The following KCNIP1 variants were observed in gnomAD, a reference collection of about 807,000 sequenced individuals.
KCNIP1 encodes A-type potassium channel modulatory protein KCNIP1.
In KCNIP1, 18 loss-of-function variants were observed where a neutral mutation model predicts 33.0. The observed-to-expected ratio is 0.55, with a 90% confidence interval of 0.38 to 0.81. The LOEUF (loss-of-function observed/expected upper bound fraction) is 0.81, where lower values mean the gene tolerates loss of function less well. Among genes scored for constraint, KCNIP1 ranks in the 30% least tolerant of loss-of-function variants. KCNIP1 has a pLI of 0.00. For synonymous variants in KCNIP1, 93 were observed against 98.3 expected, an observed-to-expected ratio of 0.95 and a Z score of 0.32; for missense variants, 238 against 271.6, an observed-to-expected ratio of 0.88 and a Z score of 0.87.
Position 170,376,150 on chromosome 5 carries a change from C to CTTTTTTTTT in KCNIP1, c.88+22206_88+22214dup, listed in dbSNP as rs397885011. ...AGTTTCTGAGTATTCATGACTTATT[C>CTTTTTTTTT]TTTTTTTTTTTTTTTTTTTTTTTTT... On this transcript the variant is annotated intron_variant, in intron 1 of 7. Coordinates refer to the KCNIP1 transcript ENST00000377360. 4.2e-4 allele frequency: 30 copies of CTTTTTTTTT among 70,650 alleles called. 3 individuals carry two copies. Among genetic ancestry groups the CTTTTTTTTT allele is most frequent in the Non-Finnish European group, 7.3e-4 (26 of 35,588 alleles). 4.4% of individuals were successfully genotyped at this position (70,650 alleles called of 1,614,324 possible).
intron 1 of KCNIP1, among the ~76,000 whole-genome samples, chr5:170,506,597 C>A (rs927127915): frequency 6.6e-6 from 1 of 152,208 alleles, no homozygotes; most frequent in South Asian, 2.1e-4. Flanking sequence ...GTCTTTGCTT[C>A]TGTCTCCTCG....
At chr5:170,503,610 TC>T (rs897831882), upstream of KCNIP1, among the ~76,000 whole-genome samples, 2 of 151,434 alleles carry the variant, frequency 1.3e-5, no homozygotes, top group Non-Finnish European at 2.9e-5. Flanking sequence ...GGGCAGACTT[TC>T]CCCCTCCCCA....
At chr5:170,366,422 C>T (rs1421063274) in intron 1 of KCNIP1, among the ~76,000 whole-genome samples, 5 of 152,234 alleles carry the variant, frequency 3.3e-5, no homozygotes, top group Non-Finnish European at 7.3e-5. Flanking sequence ...CACAAAGCCC[C>T]ATGGACAAGC....
chr5:170,702,642 A>G (rs574946187), intron 1 of KCNIP1, among the ~76,000 whole-genome samples: 1 of 152,268 alleles, frequency 6.6e-6, no homozygotes, highest in South Asian at 2.1e-4. Flanking sequence ...ATAGAGACAC[A>G]ATTACAAAGA....
chr5:170,500,131 G>A (rs547805529), upstream of KCNIP1, among the ~76,000 whole-genome samples: 8 of 152,192 alleles, frequency 5.3e-5, no homozygotes, highest in Non-Finnish European at 8.8e-5. Context: ...CCTTTTCCCT[G>A]TGTGCTCACA....
At chr5:170,361,232 A>G (rs1165851032) in intron 1 of KCNIP1, among the ~76,000 whole-genome samples, 3 of 152,200 alleles carry the variant, frequency 2.0e-5, no homozygotes. Context: ...GGCAGGCAGC[A>G]GGGGAGAGGA....
At chr5:170,405,908 C>A (rs1430492915) in intron 1 of KCNIP1, among the ~76,000 whole-genome samples, 1 of 152,136 alleles carries the variant, frequency 6.6e-6, no homozygotes, top group Non-Finnish European at 1.5e-5. Flanking sequence ...CTCATGGAAA[C>A]CTTGTGTGAT....
intron 1 of KCNIP1, among the ~76,000 whole-genome samples, chr5:170,558,835 A>G (rs1434841126): frequency 6.6e-6 from 1 of 152,240 alleles, no homozygotes; most frequent in Non-Finnish European, 1.5e-5. Context: ...TAAACCCCAG[A>G]GTTGTTTAAA....
intron 1 of KCNIP1, among the ~76,000 whole-genome samples, chr5:170,661,637 G>A (rs1240666008): frequency 6.6e-6 from 1 of 152,124 alleles, no homozygotes; most frequent in Non-Finnish European, 1.5e-5. Context: ...GATAGCAAAG[G>A]AGCTGAGGCC....
At position 170,371,965 on chromosome 5, in the gene KCNIP1, C is replaced by A. The variant is rs548408979; in HGVS notation, c.88+18001C>A. On this transcript the variant is annotated intron_variant, in intron 1 of 7. Transcript: ENST00000377360. ...GTTTGGACACCAACTGGGTGTCCTA[C>A]AATTTAATTCAATTCTGACACTAAC... Among the ~76,000 whole-genome samples, 3 of 152,188 alleles carry A rather than the reference C, an allele frequency of 2.0e-5. No individual in the cohort carries two copies. In the South Asian group the frequency reaches 6.2e-4, roughly 32 times the overall value.
intron 1 of KCNIP1, among the ~76,000 whole-genome samples, chr5:170,478,581 G>A (rs1032637975): frequency 2.0e-5 from 3 of 152,082 alleles, no homozygotes; most frequent in South Asian, 2.1e-4. Flanking sequence ...AAGACTGTGC[G>A]ACTCCACCAT....
chr5:170,379,002 G>A (rs1324022666), intron 1 of KCNIP1: 4 of 1,603,680 alleles, frequency 2.5e-6, no homozygotes, highest in East Asian at 2.2e-5. Flanking sequence ...GCAGCTGTGG[G>A]CTTGGAAATC....
rs149601109 is a variant in KCNIP1, at chr5:170,607,638, C to T, written c.61+103005C>T. 6.0e-3 allele frequency among the ~76,000 whole-genome samples: 911 copies of T among 152,326 alleles called. 36 individuals are homozygous for T. The highest frequency in any genetic ancestry group is 0.055 in the Admixed American group (836 of 15,306). ...GCAAAGAAAATGCAGTGTCTTCTCA[C>T]GAAGGGTTCATCCCTGCCTCCTCAG... is the stretch of plus-strand genomic sequence containing the variant. On this transcript the variant is annotated intron_variant, in intron 1 of 7. Coordinates refer to ENST00000328939, the MANE Select transcript of KCNIP1 (RefSeq NM_014592.4).
At chr5:170,611,932 A>T (rs870109) in intron 1 of KCNIP1, among the ~76,000 whole-genome samples, 63,209 of 152,088 alleles carry the variant, frequency 0.42, 13,366 homozygotes, top group East Asian at 0.5. Flanking sequence ...ACTGAACACG[A>T]GCCAGGCACT....
chr5:170,441,891 G>T (rs904315820), intron 1 of KCNIP1, among the ~76,000 whole-genome samples: 1 of 142,274 alleles, frequency 7.0e-6, no homozygotes, highest in Non-Finnish European at 1.5e-5. Flanking sequence ...GGCCGAGCTT[G>T]CAGTGAGCCA....
chr5:170,569,298 C>G (rs557492663), intron 1 of KCNIP1, among the ~76,000 whole-genome samples: 283 of 152,364 alleles, frequency 1.9e-3, no homozygotes, highest in Admixed American at 3.2e-3. Context: ...ACCCCCACCC[C>G]CCGCTGCTGT....
rs557135748 is a variant in KCNIP1 at position 170,404,296 on chromosome 5, T to C, written c.88+50332T>C. ...TTAATAAATGTACTATGTGCATTTA[T>C]AAATTTTTTTCCAAGATTTTTTTTT... On this transcript the variant is annotated intron_variant, in intron 1 of 7. Transcript: ENST00000377360. Among the ~76,000 whole-genome samples the C allele has an allele frequency of 2.6e-5, 4 of 152,260 alleles. No homozygotes were observed. The East Asian group carries it at 5.8e-4, about 22-fold the overall frequency.
chr5:170,514,062 C>T (rs1301235389), intron 1 of KCNIP1, among the ~76,000 whole-genome samples: 2 of 152,176 alleles, frequency 1.3e-5, no homozygotes, highest in Non-Finnish European at 2.9e-5. Flanking sequence ...CACCTGGGCT[C>T]CTGCCTGCAG....
Position 170,611,365 on chromosome 5 carries a change from C to A in KCNIP1, c.61+106732C>A, listed in dbSNP as rs150237916. 2.6e-3 allele frequency among the ~76,000 whole-genome samples: 394 copies of A among 152,280 alleles called. 1 individual carries two copies. Among genetic ancestry groups the A allele is most frequent in the African/African-American group, 9.2e-3 (381 of 41,544 alleles). ...CATTTGGTGCTGCTCATTTCTCTCC[C>A]CTGGGCCCCACAGCATCTTCGAAAG... is the stretch of plus-strand genomic sequence containing the variant. On this transcript the variant is annotated intron_variant, in intron 1 of 7. Transcript: ENST00000328939.
Sources: allele counts gnomAD v4.1 joint callset (sites outside exome capture counted in the v4.1 genomes callset), GRCh38; gene constraint gnomAD v4.1.1; transcripts MANE v1.5; gene names NCBI Gene and HGNC (gene_info 2026-07-23, HGNC 2026-07-21).